NR3C2: variants seen among roughly 807,000 people sequenced by gnomAD.
NR3C2 encodes the protein nuclear receptor subfamily 3 group C member 2.
NR3C2 carries 15 observed loss-of-function variants against 86.4 expected under a neutral mutation model. The observed-to-expected ratio is 0.17, with a 90% CI of 0.12 to 0.27. The LOEUF (loss-of-function observed/expected upper bound fraction) is 0.27, where lower values mean the gene tolerates loss of function less well. NR3C2 is among the 10% of genes least tolerant of loss of function. NR3C2 has a pLI of 1.00. For synonymous variants in NR3C2, 458 were observed against 450.5 expected (o/e 1.02, Z -0.21); for missense variants, 960 against 1,195.6 (o/e 0.80, Z 2.91).
At chr4:148,297,054 T>C (rs969129398) in intron 2 of NR3C2, among the ~76,000 whole-genome samples, 1 of 152,208 alleles carries the variant, frequency 6.6e-6, no homozygotes, top group Non-Finnish European at 1.5e-5. Flanking sequence ...AAGTGCCCCA[T>C]GTTGCTGGTG....
intron 2 of NR3C2, among the ~76,000 whole-genome samples, chr4:148,415,673 C>T (rs1056306367): frequency 6.6e-6 from 1 of 152,182 alleles, no homozygotes; most frequent in African/African-American, 2.4e-5. Flanking sequence ...TAGATCCTAA[C>T]TGAACAAAAT....
At chr4:148,249,885 C>T (rs556182620) in intron 3 of NR3C2, among the ~76,000 whole-genome samples, 6 of 152,224 alleles carry the variant, frequency 3.9e-5, no homozygotes, top group South Asian at 4.1e-4. Flanking sequence ...TTGTGAGCTC[C>T]GTTCTTTGGT....
intron 7 of NR3C2, 87 bp from the exon 8 acceptor site, chr4:148,114,348 G>A (rs1578897343): frequency 5.0e-6 from 7 of 1,401,470 alleles, no homozygotes; most frequent in South Asian, 1.2e-5. Flanking sequence ...CTGATTTTGA[G>A]GTTAGATACT....
chr4:148,199,766 T>C (rs1246490994), intron 3 of NR3C2, among the ~76,000 whole-genome samples: 3 of 152,196 alleles, frequency 2.0e-5, no homozygotes, highest in South Asian at 2.1e-4. Context: ...AGGTAAAACA[T>C]AGTCCATTTC....
chr4:148,202,601 CCTTT>C (rs1736781389), intron 3 of NR3C2, among the ~76,000 whole-genome samples: 1 of 152,178 alleles, frequency 6.6e-6, no homozygotes, highest in African/African-American at 2.4e-5. Context: ...ACCAGCCACT[CCTTT>C]GTTTTATAAC....
At chr4:148,264,381 T>A (rs1740273439) in intron 2 of NR3C2, among the ~76,000 whole-genome samples, 1 of 152,216 alleles carries the variant, frequency 6.6e-6, no homozygotes, top group South Asian at 2.1e-4. Flanking sequence ...GGGAGGCAGA[T>A]CTTGAACTCA....
chr4:148,107,739 T>C (rs1731867047), intron 8 of NR3C2, among the ~76,000 whole-genome samples: 1 of 152,016 alleles, frequency 6.6e-6, no homozygotes, highest in Admixed American at 6.6e-5. Context: ...AGCAAACTAA[T>C]ACAGGAACAG....
At chr4:148,270,224 T>C (rs2149883764) in intron 2 of NR3C2, among the ~76,000 whole-genome samples, 1 of 152,268 alleles carries the variant, frequency 6.6e-6, no homozygotes, top group South Asian at 2.1e-4. Context: ...CCCCTAGTGT[T>C]TTTCCTCACA....
At chr4:148,235,047 C>T (rs1472954996) in intron 3 of NR3C2, among the ~76,000 whole-genome samples, 2 of 151,890 alleles carry the variant, frequency 1.3e-5, no homozygotes, top group East Asian at 1.9e-4. Flanking sequence ...GTCAATAAAT[C>T]GCATTTAAAA....
At chr4:148,372,517 A>T (rs1240679752) in intron 2 of NR3C2, among the ~76,000 whole-genome samples, 1 of 152,036 alleles carries the variant, frequency 6.6e-6, no homozygotes, top group Non-Finnish European at 1.5e-5. Flanking sequence ...AAAAAAACCC[A>T]CTCAAATTGT....
chr4:148,397,229 G>T (rs72658620), intron 2 of NR3C2, among the ~76,000 whole-genome samples: 2 of 152,240 alleles, frequency 1.3e-5, no homozygotes, highest in Non-Finnish European at 2.9e-5. Context: ...GCAACCCTGA[G>T]GGGGAGGGTG....
intron 4 of NR3C2, among the ~76,000 whole-genome samples, chr4:148,180,029 A>G (rs1735570394): frequency 6.6e-6 from 1 of 151,850 alleles, no homozygotes. Flanking sequence ...TATAAAACTC[A>G]ATACACTTGG....
At chr4:148,236,367 C>T (rs1738750182) in intron 3 of NR3C2, among the ~76,000 whole-genome samples, 1 of 152,076 alleles carries the variant, frequency 6.6e-6, no homozygotes, top group Non-Finnish European at 1.5e-5. Flanking sequence ...AAATCTTCAG[C>T]CTCAATGGAA....
At chr4:148,273,485 T>C (rs1199489919) in intron 2 of NR3C2, among the ~76,000 whole-genome samples, 2 of 152,184 alleles carry the variant, frequency 1.3e-5, no homozygotes, top group Non-Finnish European at 2.9e-5. Context: ...TTTTTATATA[T>C]AGTAAAATAA....
chr4:148,366,471 A>G (rs909796862), intron 2 of NR3C2, among the ~76,000 whole-genome samples: 1 of 149,028 alleles, frequency 6.7e-6, no homozygotes, highest in Non-Finnish European at 1.5e-5. Flanking sequence ...AATACTTTTT[A>G]AAAAGTACTC....
chr4:148,326,388 G>A (rs889395708), intron 2 of NR3C2, among the ~76,000 whole-genome samples: 8 of 152,042 alleles, frequency 5.3e-5, no homozygotes, highest in Admixed American at 1.3e-4. Flanking sequence ...ACGACAGAGC[G>A]AGACTCCATC....
At chr4:148,297,723 C>A (rs1742125379) in intron 2 of NR3C2, among the ~76,000 whole-genome samples, 2 of 152,096 alleles carry the variant, frequency 1.3e-5, no homozygotes, top group Admixed American at 1.3e-4. Flanking sequence ...AAAGATCTGA[C>A]AACATAGCTT....
intron 2 of NR3C2, among the ~76,000 whole-genome samples, chr4:148,267,796 A>T (rs1392869268): frequency 6.6e-6 from 1 of 152,182 alleles, no homozygotes; most frequent in Non-Finnish European, 1.5e-5. Context: ...CCAATATTTT[A>T]AAAAATACAT....
intron 4 of NR3C2, among the ~76,000 whole-genome samples, chr4:148,183,465 G>A (rs556318345): frequency 8.5e-5 from 13 of 152,196 alleles, no homozygotes; most frequent in East Asian, 1.9e-4. Context: ...CTATTTCTCC[G>A]CATCCTCTCC....
Sources: gnomAD v4.1 joint callset for allele counts (sites outside exome capture counted in the v4.1 genomes callset) on GRCh38, gnomAD v4.1.1 for gene constraint, MANE v1.5 for transcripts, NCBI Gene and HGNC (gene_info 2026-07-23, HGNC 2026-07-21) for gene names.